The following AKR1C3 variants were observed in gnomAD, a reference collection of about 807,000 sequenced individuals.
AKR1C3 encodes 3-alpha hydroxysteroid dehydrogenase, type II.
A neutral mutation model predicts 43.6 loss-of-function variants in AKR1C3; 48 were observed. That is an observed-to-expected ratio of 1.10 (90% CI 0.87 to 1.40). The LOEUF is 1.40. Ranked by LOEUF, AKR1C3 falls within the 40% of genes most tolerant of loss-of-function variation. AKR1C3 has a pLI of 0.00. For synonymous variants in AKR1C3, 162 were observed against 139.6 expected, an observed-to-expected ratio of 1.16 and a Z score of -1.13; for missense variants, 482 against 391.2, an observed-to-expected ratio of 1.23 and a Z score of -1.96.
chr10:5,102,662 G>T lies in AKR1C3; in HGVS notation c.846+12G>T. 6.9e-7 allele frequency: 1 copy of T among 1,453,116 alleles called. No individual in the cohort carries two copies. The allele number at this position is 1,453,116 out of a possible 1,614,324, so 90.0% of individuals were successfully genotyped here. ...GACAGAACGTGCAGGTGAGGAGCGGGGCTGTGGGCCTCAGGTCTCCTGCAC... is the reference window on the plus strand; with the variant it reads ...GACAGAACGTGCAGGTGAGGAGCGGTGCTGTGGGCCTCAGGTCTCCTGCAC... On this transcript the variant is annotated intron_variant, in intron 7 of 8. Coordinates refer to ENST00000380554, the MANE Select transcript of AKR1C3 (RefSeq NM_003739.6).
chr10:5,078,117 C>T (rs1838753494), intron 1 of AKR1C3: 4 of 538,156 alleles, frequency 7.4e-6, no homozygotes, highest in African/African-American at 2.0e-5. Flanking sequence ...AGTCAACATA[C>T]TAGAGTGATT....
At chr10:5,105,048 AGT>A (rs1197384101) in intron 7 of AKR1C3, among the ~76,000 whole-genome samples, 2 of 139,642 alleles carry the variant, frequency 1.4e-5, no homozygotes, top group African/African-American at 2.5e-5. Flanking sequence ...TGATATTTAA[AGT>A]CTCTCAAATT....
In AKR1C3 at chr10:5,102,158, G is replaced by A; in HGVS notation, c.628G>A (p.Asp210Asn). 6.2e-7 allele frequency: 1 copy of A among 1,614,096 alleles called. No individual in the cohort carries two copies. Among genetic ancestry groups the A allele is most frequent in the Non-Finnish European group, 8.5e-7 (1 of 1,179,988 alleles). The change falls in exon 6 of 9, where the codon GAT becomes AAT. Residue 210 changes from aspartate to asparagine, a missense_variant. By Grantham distance (23) the Asp-to-Asn change is conservative (BLOSUM62 1). Coordinates refer to ENST00000380554, the MANE Select transcript of AKR1C3 (RefSeq NM_003739.6). ...ATTGCTAGATTTCTGCAAGTCGAAA[G>A]ATATTGTTCTGGTTGCCTATAGTGC... ...SKLLDFCKSK[D>N]IVLVAYSALG...
upstream of AKR1C3, among the ~76,000 whole-genome samples, chr10:5,091,930 T>C (rs1554784260): frequency 6.6e-6 from 1 of 152,148 alleles, no homozygotes; most frequent in Non-Finnish European, 1.5e-5. Flanking sequence ...CTGTCTAAAA[T>C]GCTTTTATTT....
chr10:5,079,170 T>C (rs1554782123), intron 1 of AKR1C3, among the ~76,000 whole-genome samples: 1 of 152,170 alleles, frequency 6.6e-6, no homozygotes, highest in African/African-American at 2.4e-5. Context: ...TCATTTCATT[T>C]ATTGATGCTC....
intron 8 of AKR1C3, 49 bp from the exon 9 acceptor site, chr10:5,107,412 C>CCTAGTAATGG: frequency 7.9e-7 from 1 of 1,263,200 alleles, no homozygotes; most frequent in Non-Finnish European, 1.2e-6. Context: ...TTACTACTCC[C>CCTAGTAATGG]CTAGTAATGG....
chr10:5,082,233 C>T (rs1022945009), intron 1 of AKR1C3, among the ~76,000 whole-genome samples: 1 of 152,074 alleles, frequency 6.6e-6, no homozygotes, highest in Admixed American at 6.6e-5. Flanking sequence ...CATCAGCAAA[C>T]AAAAATAATC....
chr10:5,060,669 A>T (rs1306246564), intron 1 of AKR1C3, among the ~76,000 whole-genome samples: 1 of 152,134 alleles, frequency 6.6e-6, no homozygotes, highest in African/African-American at 2.4e-5. Flanking sequence ...CTGCCTTCCA[A>T]TCCTGTGCCA....
chr10:5,102,259 T>G (rs1554786167), intron 6 of AKR1C3, 49 bp downstream of exon 6: 1 of 1,588,714 alleles, frequency 6.3e-7, no homozygotes. Context: ...TTGCAGAAAA[T>G]TTTTTAGTCA....
At chr10:5,099,190 TTTC>T in intron 4 of AKR1C3, 134 bp from the exon 5 acceptor site, 1 of 1,439,446 alleles carries the variant, frequency 6.9e-7, no homozygotes, top group Admixed American at 2.4e-5. Flanking sequence ...TGTTTGAATT[TTTC>T]TTTTTTTGAC....
At chr10:5,107,355 T>G (rs1394078497) in intron 8 of AKR1C3, 106 bp from the exon 9 acceptor site, 1 of 788,926 alleles carries the variant, frequency 1.3e-6, no homozygotes, top group Non-Finnish European at 2.1e-6. Context: ...CTACAACTAG[T>G]CAGACAACTT....
chr10:5,088,890 A>G (rs1243097365), intron 1 of AKR1C3, among the ~76,000 whole-genome samples: 1 of 151,982 alleles, frequency 6.6e-6, no homozygotes, highest in African/African-American at 2.4e-5. Context: ...CAATTACTGT[A>G]TAGTAATTAT....
At chr10:5,079,216 C>A (rs1838778539) in intron 1 of AKR1C3, among the ~76,000 whole-genome samples, 1 of 152,106 alleles carries the variant, frequency 6.6e-6, no homozygotes, top group Admixed American at 6.6e-5. Context: ...TCTGCCTTCC[C>A]AGGAGGCAGG....
chr10:5,086,690 A>G (rs1172230019), intron 1 of AKR1C3, among the ~76,000 whole-genome samples: 6 of 152,088 alleles, frequency 3.9e-5, no homozygotes, highest in Non-Finnish European at 8.8e-5. Context: ...AAAGTCTCCC[A>G]CTATTATTGT....
At chr10:5,103,276 G>A (rs1013349000) in intron 7 of AKR1C3, among the ~76,000 whole-genome samples, 19 of 152,150 alleles carry the variant, frequency 1.2e-4, no homozygotes, top group Middle Eastern at 3.4e-3. Flanking sequence ...TTCTTCGTAC[G>A]CTCAGTTAAA....
chr10:5,075,357 C>G (rs1356822201), intron 1 of AKR1C3, among the ~76,000 whole-genome samples: 4 of 152,068 alleles, frequency 2.6e-5, no homozygotes, highest in African/African-American at 9.7e-5. Flanking sequence ...TCCCTTGGCC[C>G]CCACCAGCAT....
chr10:5,090,057 G>A (rs999068715), upstream of AKR1C3, among the ~76,000 whole-genome samples: 3 of 152,182 alleles, frequency 2.0e-5, no homozygotes, highest in African/African-American at 7.2e-5. Context: ...CCAGTAGAGG[G>A]TACTTATGAG....
In AKR1C3 at chr10:5,107,365, TAAC is replaced by T. The variant is rs112176678; in HGVS notation, c.930-94_930-92del. 5.9e-3 allele frequency: 5,257 copies of T among 885,982 alleles called. 171 individuals carry two copies. The African/African-American group carries it at 0.076, about 13-fold the overall frequency. 54.9% of individuals were successfully genotyped at this position (885,982 alleles called of 1,614,324 possible). On this transcript the variant is annotated intron_variant, in intron 8 of 8. Coordinates refer to ENST00000380554, the MANE Select transcript of AKR1C3 (RefSeq NM_003739.6). ...AGATTCTACAACTAGTCAGACAACT[TAAC>T]ATTCATACTAATGACAGCTTCATTG...
At chr10:5,100,061 G>A (rs1163410310) in intron 5 of AKR1C3, among the ~76,000 whole-genome samples, 2 of 152,198 alleles carry the variant, frequency 1.3e-5, no homozygotes, top group African/African-American at 4.8e-5. Context: ...GGGAGGCAAA[G>A]GCAGGTGGAT....
Sources: gnomAD v4.1 joint callset for allele counts (sites outside exome capture counted in the v4.1 genomes callset) on GRCh38, gnomAD v4.1.1 for gene constraint, MANE v1.5 for transcripts, NCBI Gene and HGNC (gene_info 2026-07-23, HGNC 2026-07-21) for gene names.